Variants in CDH4 observed in about 807,000 individuals in gnomAD.
CDH4 encodes cadherin-4.
Under a neutral mutation model 86.0 loss-of-function variants are expected in CDH4, and 33 were observed. The observed-to-expected ratio is 0.38, with a 90% confidence interval of 0.29 to 0.51. CDH4 has a LOEUF of 0.51. Among genes scored for constraint, CDH4 ranks in the 20% least tolerant of loss-of-function variants. CDH4 has a pLI of 0.86. For missense variants in CDH4, 1,114 were observed against 1,307.4 expected, an observed-to-expected ratio of 0.85 and a Z score of 2.28; for synonymous variants, 555 against 549.4, an observed-to-expected ratio of 1.01 and a Z score of -0.14.
chr20:61,844,884 C>A lies in CDH4; in HGVS notation c.732+61C>A, dbSNP rs544080907. ...GGGTGGCGATCCCAGCCCTACCAGG[C>A]CTTGGCAGGTGCCCCCAGCAGGGCC... is the stretch of plus-strand genomic sequence containing the variant. On this transcript the variant is annotated intron_variant, in intron 5 of 15. Coordinates refer to ENST00000614565, the MANE Select transcript of CDH4 (RefSeq NM_001794.5). 5 of 1,527,300 alleles carry A rather than the reference C, an allele frequency of 3.3e-6. No individual in the cohort carries two copies. In the South Asian group the frequency reaches 4.9e-5, roughly 15 times the overall value. 94.6% of individuals were successfully genotyped at this position (1,527,300 alleles called of 1,614,324 possible).
chr20:61,808,739 T>C (rs1187299668), intron 4 of CDH4, among the ~76,000 whole-genome samples: 1 of 152,248 alleles, frequency 6.6e-6, no homozygotes, highest in Non-Finnish European at 1.5e-5. Flanking sequence ...TCCTGCATAT[T>C]GTCCAGTCCA....
At chr20:61,385,110 A>G (rs2084943712) in intron 2 of CDH4, among the ~76,000 whole-genome samples, 1 of 152,196 alleles carries the variant, frequency 6.6e-6, no homozygotes, top group South Asian at 2.1e-4. Context: ...TTGGGGTTCT[A>G]CCGGCACCAA....
At chr20:61,748,524 C>T (rs1357844962) in intron 3 of CDH4, among the ~76,000 whole-genome samples, 1 of 152,070 alleles carries the variant, frequency 6.6e-6, no homozygotes, top group Non-Finnish European at 1.5e-5. Context: ...AAAAATAAAA[C>T]AAGTTGAGGT....
chr20:61,385,244 G>A (rs1231337345), intron 2 of CDH4, among the ~76,000 whole-genome samples: 3 of 152,076 alleles, frequency 2.0e-5, no homozygotes, highest in Non-Finnish European at 2.9e-5. Flanking sequence ...AACCTTATAC[G>A]GAGGATGTGC....
intron 9 of CDH4, among the ~76,000 whole-genome samples, chr20:61,921,356 G>A (rs142422122): frequency 1.4e-3 from 215 of 152,400 alleles, no homozygotes; most frequent in African/African-American, 5.1e-3. Context: ...TGATAGGCAC[G>A]CTGCTGCGTG....
At chr20:61,261,006 G>C (rs575426441) in intron 2 of CDH4, among the ~76,000 whole-genome samples, 1 of 152,312 alleles carries the variant, frequency 6.6e-6, no homozygotes, top group South Asian at 2.1e-4. Flanking sequence ...TAGAAATAAA[G>C]CGAGGCAGAA....
At position 61,663,261 on chromosome 20, in the gene CDH4, G is replaced by T. The variant is rs1196018580; in HGVS notation, c.170-80302G>T. ...CAGAGGAGCTTTCATCGAGGGCTTG[G>T]CGCCCACGACAAATGAGTCCACGCA... On this transcript the variant is annotated intron_variant, in intron 2 of 15. Transcript: ENST00000614565. The surrounding 1 kb of genome is among the most constrained non-coding windows in gnomAD (Gnocchi z 5.0). Among the ~76,000 whole-genome samples, 9 of 152,222 alleles carry T rather than the reference G, an allele frequency of 5.9e-5. No individual in the cohort carries two copies. Among genetic ancestry groups the T allele is most frequent in the African/African-American group, 2.2e-4 (9 of 41,454 alleles).
chr20:61,508,725 C>T (rs2085759215), intron 2 of CDH4, among the ~76,000 whole-genome samples: 1 of 152,234 alleles, frequency 6.6e-6, no homozygotes. Context: ...ATGCCTGGCT[C>T]AGCCTGGGTG....
chr20:61,873,315 T>C (rs11204450), intron 6 of CDH4, among the ~76,000 whole-genome samples: 86,450 of 152,048 alleles, frequency 0.57, 24,991 homozygotes, highest in Non-Finnish European at 0.61. Context: ...CTGAGTCCCT[T>C]CCTTTAAGCC....
intron 2 of CDH4, among the ~76,000 whole-genome samples, chr20:61,383,736 T>TATATG: frequency 7.1e-6 from 1 of 141,150 alleles, no homozygotes; most frequent in Admixed American, 7.4e-5. Flanking sequence ...AAATATATGA[T>TATATG]ATATATGAAG....
At chr20:61,686,621 CTGAG>C (rs978307554) in intron 2 of CDH4, among the ~76,000 whole-genome samples, 4 of 134,606 alleles carry the variant, frequency 3.0e-5, no homozygotes, top group South Asian at 2.4e-4. Flanking sequence ...ATGTGTGTAT[CTGAG>C]TGCACATTCT....
chr20:61,565,080 G>GTGGTGGTGCTCT lies in CDH4; in HGVS notation c.170-178460_170-178449dup, dbSNP rs761625886. On this transcript the variant is annotated intron_variant, in intron 2 of 15. Transcript: ENST00000614565. Reference sequence around the variant, plus strand: ...GGTGCTCTTGGTGGTGGTGGTGGTGGTGGTGGTGCTCTTGGTGGTGCTCTT... The same window carrying GTGGTGGTGCTCT: ...GGTGCTCTTGGTGGTGGTGGTGGTGGTGGTGGTGCTCTTGGTGGTGCTCTTGGTGGTGCTCTT... Among the ~76,000 whole-genome samples, 37 of 125,768 alleles carry GTGGTGGTGCTCT rather than the reference G, an allele frequency of 2.9e-4. No homozygotes were observed. The East Asian group carries it at 3.5e-3, about 12-fold the overall frequency. The allele number at this position is 125,768 out of a possible 152,430, so 82.5% of individuals were successfully genotyped here.
At chr20:61,688,491 A>T (rs945112107) in intron 2 of CDH4, among the ~76,000 whole-genome samples, 6 of 152,246 alleles carry the variant, frequency 3.9e-5, no homozygotes, top group Non-Finnish European at 5.9e-5. Context: ...CCCTGCCCTG[A>T]CAGCAGCACT....
intron 2 of CDH4, among the ~76,000 whole-genome samples, chr20:61,346,302 T>G (rs1644626532): frequency 6.6e-6 from 1 of 151,924 alleles, no homozygotes; most frequent in African/African-American, 2.4e-5. Context: ...GTAGAATCAG[T>G]GCATGGTTGG....
At chr20:61,704,411 C>T (rs527491952) in intron 2 of CDH4, among the ~76,000 whole-genome samples, 1 of 152,148 alleles carries the variant, frequency 6.6e-6, no homozygotes, top group Non-Finnish European at 1.5e-5. Flanking sequence ...GGGGCGCTCT[C>T]GTTAAAGCTG....
At chr20:61,620,174 A>ATGGATGGATGGATGGACGGATGGG (rs1413346289) in intron 2 of CDH4, among the ~76,000 whole-genome samples, 2 of 57,952 alleles carry the variant, frequency 3.5e-5, no homozygotes, top group African/African-American at 4.6e-5. Flanking sequence ...GGATGGATGG[A>ATGGATGGATGGATGGACGGATGGG]TGGGTGGGTG....
At chr20:61,794,478 T>C (rs1979418606) in intron 4 of CDH4, among the ~76,000 whole-genome samples, 1 of 152,216 alleles carries the variant, frequency 6.6e-6, no homozygotes, top group Non-Finnish European at 1.5e-5. Context: ...CCCAAGGACA[T>C]TAATTCCTCA....
At chr20:61,795,111 G>A (rs116865059) in intron 4 of CDH4, among the ~76,000 whole-genome samples, 3 of 638 alleles carry the variant, frequency 4.7e-3, no homozygotes, top group Non-Finnish European at 7.0e-3. Context: ...GGTGATGATG[G>A]TGGTGATAAT....
intron 2 of CDH4, among the ~76,000 whole-genome samples, chr20:61,713,389 C>T (rs1198645041): frequency 6.6e-6 from 1 of 152,204 alleles, no homozygotes; most frequent in Non-Finnish European, 1.5e-5. Flanking sequence ...TTCAAAGATG[C>T]ACAGAAATGG....
Sources: gnomAD v4.1 joint callset for allele counts (sites outside exome capture counted in the v4.1 genomes callset) on GRCh38, gnomAD v4.1.1 for gene constraint, Gnocchi (gnomAD v3.1) non-coding constraint, MANE v1.5 for transcripts, NCBI Gene and HGNC (gene_info 2026-07-23, HGNC 2026-07-21) for gene names.